The following CLCA2 variants were observed in gnomAD, a reference collection of about 807,000 sequenced individuals.
The protein encoded by CLCA2 is chloride channel accessory 2.
CLCA2 carries 85 observed loss-of-function variants against 82.9 expected under a neutral mutation model. That is an observed-to-expected ratio of 1.03 (90% CI 0.86 to 1.23). CLCA2 has a LOEUF of 1.23. CLCA2 is among the 50% of genes most tolerant of loss of function. CLCA2 has a pLI of 0.00. For missense variants in CLCA2, 1,089 were observed against 1,124.8 expected, an observed-to-expected ratio of 0.97 and a Z score of 0.45; for synonymous variants, 421 against 391.7, an observed-to-expected ratio of 1.07 and a Z score of -0.88.
rs1662344438 is a variant in CLCA2, at chr1:86,424,296, A to C, written c.49A>C (p.Thr17Pro). ...TCCTATTTGCAACCTGAAGTTTGTGACTCTCCTGGTTGCCTTAAGTTCAGA... is the reference window on the plus strand; with the variant it reads ...TCCTATTTGCAACCTGAAGTTTGTGCCTCTCCTGGTTGCCTTAAGTTCAGA... ...AGPICNLKFV[T>P]LLVALSSELP... Residue 17 changes from threonine (T) to proline (P), a missense_variant, in exon 1 of 14, where the codon ACT becomes CCT. By Grantham distance (38) the Thr-to-Pro change is conservative. Transcript: ENST00000370565. 6.2e-7 allele frequency: 1 copy of C among 1,613,554 alleles called. No homozygotes were observed. The highest frequency in any genetic ancestry group is 1.3e-5 in the African/African-American group (1 of 74,840).
chr1:86,434,392 C>A, intron 5 of CLCA2, 126 bp from the exon 6 acceptor site: 1 of 718,316 alleles, frequency 1.4e-6, no homozygotes, highest in Non-Finnish European at 2.3e-6. Flanking sequence ...AGGTATATCA[C>A]TGTACCACTT....
intron 12 of CLCA2, among the ~76,000 whole-genome samples, chr1:86,452,798 T>A (rs1372813771): frequency 6.6e-6 from 1 of 152,230 alleles, no homozygotes; most frequent in Non-Finnish European, 1.5e-5. Context: ...AATATATGTT[T>A]ATTAATATGA....
intron 10 of CLCA2, among the ~76,000 whole-genome samples, chr1:86,445,096 C>T (rs183059716): frequency 1.7e-4 from 26 of 152,204 alleles, no homozygotes; most frequent in Non-Finnish European, 1.5e-5. Context: ...TGAGGTTTCA[C>T]CATGTTGGCC....
At chr1:86,449,699 G>A (rs1427184421) in intron 11 of CLCA2, among the ~76,000 whole-genome samples, 3 of 152,170 alleles carry the variant, frequency 2.0e-5, no homozygotes, top group Non-Finnish European at 4.4e-5. Flanking sequence ...ATGCAGGGCT[G>A]TGTGTGTGGT....
intron 10 of CLCA2, chr1:86,445,396 G>A (rs1168391757): frequency 9.4e-6 from 1 of 106,232 alleles, no homozygotes; most frequent in African/African-American, 3.7e-5. Flanking sequence ...TAGAAGATTC[G>A]CATTTATTCC....
At chr1:86,425,250 G>T in intron 1 of CLCA2, 89 bp from the exon 2 acceptor site, 1 of 923,200 alleles carries the variant, frequency 1.1e-6, no homozygotes. Context: ...ATATTTCATT[G>T]TCTTTTATTA....
intron 13 of CLCA2, 83 bp from the exon 14 acceptor site, chr1:86,455,002 G>T (rs542841643): frequency 3.9e-6 from 3 of 763,458 alleles, no homozygotes; most frequent in East Asian, 2.9e-5. Flanking sequence ...ACTTTTTGTT[G>T]CTGTTCTCAT....
chr1:86,449,368 T>C (rs1662917031), intron 11 of CLCA2, among the ~76,000 whole-genome samples: 1 of 152,198 alleles, frequency 6.6e-6, no homozygotes, highest in Admixed American at 6.5e-5. Flanking sequence ...AATTCCTCTG[T>C]CTCCCAAGCC....
At position 86,430,779 on chromosome 1, in the gene CLCA2, A is replaced by G. The variant is rs537813273; in HGVS notation, c.476-83A>G. The stretch of plus-strand genomic sequence containing the variant: ...GTCATTCCAAAGAGTATGTGTGGTC[A>G]AGAAATGTTACGTCTTCACTAGTTA... On this transcript the variant is annotated intron_variant, in intron 3 of 13. Transcript: ENST00000370565. The G allele has an allele frequency of 8.7e-5, 88 of 1,007,810 alleles. 1 individual carries two copies. In the South Asian group the frequency reaches 1.1e-3, roughly 12 times the overall value. 62.4% of individuals were successfully genotyped at this position (1,007,810 alleles called of 1,614,324 possible). A position where few individuals can be genotyped will look rare whatever the true frequency, so the allele number is the denominator to read the frequency against.
chr1:86,456,188 A>G lies in CLCA2; in HGVS notation c.*661A>G, dbSNP rs1443579829. 1 of 152,208 alleles carries G rather than the reference A, an allele frequency of 6.6e-6. No homozygotes were observed. The highest frequency in any genetic ancestry group is 6.5e-5 in the Admixed American group (1 of 15,282). The allele number at this position is 152,208 out of a possible 1,614,324, so 9.4% of individuals were successfully genotyped here. The stretch of plus-strand genomic sequence containing the variant: ...TGTAAGTTTCTACTCCCATCAAAGC[A>G]GCTTTCTAAGTTATTGCCTTGGTTA... On this transcript the variant is annotated 3_prime_UTR_variant, in exon 14 of 14. Coordinates refer to ENST00000370565, the MANE Select transcript of CLCA2 (RefSeq NM_006536.7).
intron 8 of CLCA2, among the ~76,000 whole-genome samples, chr1:86,440,630 G>A (rs7518184): frequency 0.25 from 38,473 of 152,064 alleles, 5,210 homozygotes; most frequent in Admixed American, 0.31. Flanking sequence ...GGCGGGCGCG[G>A]TGGCTCACAC....
At chr1:86,428,223 T>G (rs775454266) in intron 2 of CLCA2, among the ~76,000 whole-genome samples, 195 bp from the exon 3 acceptor site, 1 of 152,230 alleles carries the variant, frequency 6.6e-6, no homozygotes, top group Non-Finnish European at 1.5e-5. Flanking sequence ...TTTATTGATA[T>G]GTAGCTGTGG....
intron 6 of CLCA2, 45 bp downstream of exon 6, chr1:86,434,790 C>CTA: frequency 6.9e-7 from 1 of 1,440,690 alleles, no homozygotes. Context: ...ATCATTTTTT[C>CTA]TATCAGTTCT....
chr1:86,447,408 C>A (rs1662873808), intron 10 of CLCA2, 100 bp from the exon 11 acceptor site: 6 of 1,327,728 alleles, frequency 4.5e-6, no homozygotes, highest in African/African-American at 2.9e-5. Flanking sequence ...GCAACATCAA[C>A]AAAACAAGAG....
At chr1:86,447,265 C>T (rs1043114874) in intron 10 of CLCA2, among the ~76,000 whole-genome samples, 5 of 152,062 alleles carry the variant, frequency 3.3e-5, no homozygotes, top group Non-Finnish European at 5.9e-5. Flanking sequence ...CAAATAAATT[C>T]GAGGTGTAAT....
At position 86,447,650 on chromosome 1, in the gene CLCA2, C is replaced by A; in HGVS notation, c.1856C>A (p.Pro619His). Reference protein sequence around the residue: ...AFVERDSLHFPHPVMIYANVK... With the variant: ...AFVERDSLHFHHPVMIYANVK... ...GTGGAAAGAGACAGCCTCCATTTTC[C>A]TCATCCTGTGATGATTTATGCCAAT... The change falls in exon 11 of 14, where the codon CCT becomes CAT. Residue 619 changes from proline (P) to histidine (H), a missense_variant. Physicochemically the swap from Pro to His is moderately conservative, Grantham distance 77. Coordinates refer to ENST00000370565, the MANE Select transcript of CLCA2 (RefSeq NM_006536.7). 6.2e-7 allele frequency: 1 copy of A among 1,614,122 alleles called. No individual in the cohort carries two copies. Among genetic ancestry groups the A allele is most frequent in the South Asian group, 1.1e-5 (1 of 91,078 alleles).
intron 2 of CLCA2, among the ~76,000 whole-genome samples, chr1:86,427,531 G>T (rs1259864788): frequency 6.8e-6 from 1 of 146,072 alleles, no homozygotes; most frequent in Non-Finnish European, 1.5e-5. Context: ...CACAGACACA[G>T]ATGGACACAC....
intron 3 of CLCA2, 62 bp downstream of exon 3, chr1:86,428,630 G>C: frequency 1.3e-6 from 2 of 1,547,914 alleles, no homozygotes; most frequent in Non-Finnish European, 1.7e-6. Flanking sequence ...TCTGTGCTTG[G>C]TGCTGAAAGG....
At position 86,424,230 on chromosome 1, in the gene CLCA2, T is replaced by A; in HGVS notation, c.-18T>A. 6.2e-7 allele frequency: 1 copy of A among 1,604,878 alleles called. No individual in the cohort carries two copies. Among genetic ancestry groups the A allele is most frequent in the Non-Finnish European group, 8.5e-7 (1 of 1,176,578 alleles). Reference sequence around the variant, plus strand: ...TGCAGCAGGCTCAGTGTGAGTGAACTGGAGGCTTCTCTACAACATGACCCA... The same window carrying A: ...TGCAGCAGGCTCAGTGTGAGTGAACAGGAGGCTTCTCTACAACATGACCCA... On this transcript the variant is annotated 5_prime_UTR_variant, in exon 1 of 14. Coordinates refer to ENST00000370565, the MANE Select transcript of CLCA2 (RefSeq NM_006536.7).
Sources: allele counts gnomAD v4.1 joint callset (sites outside exome capture counted in the v4.1 genomes callset), GRCh38; gene constraint gnomAD v4.1.1; transcripts MANE v1.5; gene names NCBI Gene and HGNC (gene_info 2026-07-23, HGNC 2026-07-21).